Variants in SUMF1 observed in about 807,000 individuals in gnomAD.
SUMF1 encodes the protein sulfatase modifying factor 1.
SUMF1 carries 48 observed loss-of-function variants against 47.6 expected under a neutral mutation model. The observed-to-expected ratio is 1.01, with a 90% CI of 0.80 to 1.28. SUMF1 has a LOEUF of 1.28. SUMF1 is among the 50% of genes most tolerant of loss of function. The pLI is 0.00. For missense variants in SUMF1, 571 were observed against 485.4 expected, an observed-to-expected ratio of 1.18 and a Z score of -1.66; for synonymous variants, 230 against 192.1, an observed-to-expected ratio of 1.20 and a Z score of -1.63.
At chr3:4,096,939 T>C (rs564824186) in intron 8 of SUMF1, among the ~76,000 whole-genome samples, 87 of 152,110 alleles carry the variant, frequency 5.7e-4, no homozygotes, top group Non-Finnish European at 9.1e-4. Context: ...TTAGGAGGAA[T>C]TTGATTCCTG....
intron 8 of SUMF1, among the ~76,000 whole-genome samples, chr3:4,268,408 A>G (rs1028946566): frequency 1.3e-5 from 2 of 152,152 alleles, no homozygotes; most frequent in South Asian, 2.1e-4. Flanking sequence ...CATTGTGCAC[A>G]TGTAGCCTAA....
Position 4,052,200 on chromosome 3 carries a change from A to G in SUMF1, c.1191+16369T>C, listed in dbSNP as rs374611760. ...GATGGCACCTTCTCAATGTGTCTCC[A>G]CATGATGGACGGGGCAAGGCAGCTC... On this transcript the variant is annotated intron_variant and NMD_transcript_variant, in intron 9 of 12. Transcript: ENST00000448413. Among the ~76,000 whole-genome samples the G allele has an allele frequency of 5.9e-5, 9 of 152,248 alleles. 1 individual carries two copies. The highest frequency in any genetic ancestry group is 1.9e-4 in the East Asian group (1 of 5,172).
intron 8 of SUMF1, among the ~76,000 whole-genome samples, chr3:4,124,262 G>T (rs1693607193): frequency 6.6e-6 from 1 of 152,102 alleles, no homozygotes; most frequent in Admixed American, 6.6e-5. Context: ...TGAAGAAAAT[G>T]ATAAAAGCAT....
chr3:4,060,700 A>C (rs1695263581), intron 9 of SUMF1, among the ~76,000 whole-genome samples: 1 of 152,160 alleles, frequency 6.6e-6, no homozygotes, highest in African/African-American at 2.4e-5. Context: ...ACCAACTTTC[A>C]AGAAAATTCT....
intron 8 of SUMF1, among the ~76,000 whole-genome samples, chr3:4,227,831 T>G (rs1285033669): frequency 6.6e-6 from 1 of 152,162 alleles, no homozygotes; most frequent in Non-Finnish European, 1.5e-5. Context: ...CTGGGCTCCC[T>G]GTTTCAGGAG....
intron 8 of SUMF1, among the ~76,000 whole-genome samples, chr3:4,224,851 G>A (rs759146205): frequency 6.6e-6 from 1 of 152,094 alleles, no homozygotes; most frequent in Non-Finnish European, 1.5e-5. Context: ...AAAAAACCCT[G>A]GTGAAGTTGT....
intron 8 of SUMF1, among the ~76,000 whole-genome samples, chr3:4,261,355 C>T (rs1575031315): frequency 1.3e-5 from 2 of 152,324 alleles, no homozygotes; most frequent in South Asian, 4.1e-4. Context: ...AAGATACATT[C>T]AGTTCAAAAA....
intron 1 of SUMF1, among the ~76,000 whole-genome samples, 158 bp from the exon 2 acceptor site, chr3:4,453,207 G>A (rs1703035001): frequency 6.6e-6 from 1 of 152,080 alleles, no homozygotes; most frequent in African/African-American, 2.4e-5. Flanking sequence ...CCCCAAAGAA[G>A]GTGAATCACG....
intron 8 of SUMF1, among the ~76,000 whole-genome samples, chr3:4,226,264 C>CTTTTTTTT (rs869300368): frequency 8.0e-5 from 7 of 86,988 alleles, no homozygotes; most frequent in South Asian, 4.5e-4. Flanking sequence ...TTTTTTGTTT[C>CTTTTTTTT]TTTTTTTTTT....
chr3:4,063,566 C>G (rs1695315190), intron 9 of SUMF1, among the ~76,000 whole-genome samples: 1 of 151,948 alleles, frequency 6.6e-6, no homozygotes, highest in Admixed American at 6.6e-5. Flanking sequence ...TGATAAAGAC[C>G]CTGTGAAGCA....
At chr3:4,280,880 C>T (rs1391350605) in intron 8 of SUMF1, among the ~76,000 whole-genome samples, 4 of 141,636 alleles carry the variant, frequency 2.8e-5, no homozygotes, top group Middle Eastern at 3.5e-3. Flanking sequence ...TGTTCTGTGT[C>T]CAAACTTCTT....
At chr3:4,143,508 G>A (rs574348433) in intron 8 of SUMF1, among the ~76,000 whole-genome samples, 2 of 152,164 alleles carry the variant, frequency 1.3e-5, no homozygotes, top group East Asian at 3.9e-4. Flanking sequence ...ATATTCCAAT[G>A]GGCCCGAATG....
At chr3:4,211,203 CATAT>C (rs57172340) in intron 8 of SUMF1, among the ~76,000 whole-genome samples, 3,196 of 98,184 alleles carry the variant, frequency 0.033, 267 homozygotes, top group African/African-American at 0.12. Flanking sequence ...TACATACATA[CATAT>C]ATATATATAT....
intron 8 of SUMF1, among the ~76,000 whole-genome samples, chr3:4,102,482 A>C (rs186190310): frequency 6.6e-6 from 1 of 152,128 alleles, no homozygotes; most frequent in East Asian, 1.9e-4. Context: ...TCCGCTCCTC[A>C]CTTAGTCAGT....
chr3:4,358,246 AC>A (rs1479100066), downstream of SUMF1, among the ~76,000 whole-genome samples: 1 of 152,098 alleles, frequency 6.6e-6, no homozygotes, highest in East Asian at 1.9e-4. Flanking sequence ...AAAAATAAAG[AC>A]CGTCCAGGAT....
intron 8 of SUMF1, among the ~76,000 whole-genome samples, chr3:4,250,539 C>T (rs1046683470): frequency 6.6e-6 from 1 of 152,034 alleles, no homozygotes; most frequent in Non-Finnish European, 1.5e-5. Context: ...GTAGATGAAA[C>T]AGCCTTATAC....
intron 8 of SUMF1, among the ~76,000 whole-genome samples, chr3:4,179,148 C>A (rs2125131843): frequency 6.6e-6 from 1 of 152,266 alleles, no homozygotes; most frequent in South Asian, 2.1e-4. Context: ...CCCCATCAAG[C>A]TACCGCTGAC....
chr3:4,157,285 T>C (rs1559519629), intron 8 of SUMF1, among the ~76,000 whole-genome samples: 1 of 151,532 alleles, frequency 6.6e-6, no homozygotes, highest in Non-Finnish European at 1.5e-5. Context: ...CTTAAGCTAG[T>C]AACCACTTCA....
intron 9 of SUMF1, among the ~76,000 whole-genome samples, chr3:4,052,560 T>C (rs983503459): frequency 2.0e-5 from 3 of 152,172 alleles, no homozygotes; most frequent in Non-Finnish European, 4.4e-5. Flanking sequence ...GGAGAAGCAA[T>C]GTTGCCCTCT....
Sources: allele counts gnomAD v4.1 joint callset (sites outside exome capture counted in the v4.1 genomes callset), GRCh38; gene constraint gnomAD v4.1.1; transcripts MANE v1.5; gene names NCBI Gene and HGNC (gene_info 2026-07-23, HGNC 2026-07-21).